Variants in ZC4H2 observed in about 807,000 individuals in gnomAD.
ZC4H2 encodes zinc finger C4H2-type containing.
For missense variants in ZC4H2, 137 were observed against 173.9 expected, an observed-to-expected ratio of 0.79 and a Z score of 1.19; for synonymous variants, 84 against 66.3, an observed-to-expected ratio of 1.27 and a Z score of -1.30.
chrX:64,942,488 C>T (rs1370205739), intron 1 of ZC4H2, among the ~76,000 whole-genome samples: 1 of 100,599 alleles, frequency 9.9e-6, no homozygotes, highest in East Asian at 3.1e-4. Flanking sequence ...CTTGCCCCCC[C>T]ACCCCCCAAC....
At chrX:64,958,657 G>T (rs1931259901) in intron 1 of ZC4H2, among the ~76,000 whole-genome samples, 1 of 110,779 alleles carries the variant, frequency 9.0e-6, no homozygotes, top group South Asian at 3.9e-4. Flanking sequence ...GTGGTGGTGG[G>T]GGGTGATTTA....
chrX:64,975,645 C>T (rs181706275), intron 1 of ZC4H2, among the ~76,000 whole-genome samples: 2 of 111,623 alleles, frequency 1.8e-5, no homozygotes, highest in East Asian at 5.6e-4. Flanking sequence ...GTAGCGGACT[C>T]CACTTCGGCA....
At chrX:65,007,713 A>G (rs1932690615) in intron 1 of ZC4H2, among the ~76,000 whole-genome samples, 1 of 111,571 alleles carries the variant, frequency 9.0e-6, no homozygotes, top group African/African-American at 3.3e-5. Context: ...AGAATCAATC[A>G]CTCTTCAATA....
chrX:64,921,563 G>A (rs763736758), intron 2 of ZC4H2, among the ~76,000 whole-genome samples: 36 of 111,557 alleles, frequency 3.2e-4, no homozygotes, highest in Non-Finnish European at 6.4e-4. Flanking sequence ...CATTTAGAGG[G>A]TACTGAGTCC....
intron 1 of ZC4H2, among the ~76,000 whole-genome samples, chrX:64,972,576 A>T (rs1931817519): frequency 8.9e-6 from 1 of 112,032 alleles, no homozygotes; most frequent in Non-Finnish European, 1.9e-5. Context: ...AGTTAATAAC[A>T]TTGAAATGTG....
chrX:64,965,837 C>G (rs918618476), intron 1 of ZC4H2, among the ~76,000 whole-genome samples: 2 of 106,706 alleles, frequency 1.9e-5, no homozygotes, highest in Admixed American at 1.0e-4. Context: ...ATTGGGGAAG[C>G]TGAAGTGGGA....
intron 1 of ZC4H2, among the ~76,000 whole-genome samples, chrX:64,953,206 A>T (rs1930957509): frequency 8.9e-6 from 1 of 112,239 alleles, no homozygotes; most frequent in Admixed American, 9.5e-5. Context: ...TAGACCTAAA[A>T]CCATAAAAAC....
intron 1 of ZC4H2, among the ~76,000 whole-genome samples, chrX:64,926,788 T>C (rs1381593466): frequency 9.0e-6 from 1 of 111,567 alleles, no homozygotes; most frequent in African/African-American, 3.3e-5. Flanking sequence ...TTCAACAAAA[T>C]ATGGATCAAA....
At chrX:64,996,181 T>TA (rs1335731610) in intron 1 of ZC4H2, among the ~76,000 whole-genome samples, 5 of 111,513 alleles carry the variant, frequency 4.5e-5, no homozygotes, top group African/African-American at 1.6e-4. Context: ...AAGACAGAAA[T>TA]AGGTGAATTT....
chrX:64,978,118 C>T (rs768503997), upstream of ZC4H2, among the ~76,000 whole-genome samples: 16 of 111,348 alleles, frequency 1.4e-4, no homozygotes, highest in South Asian at 5.8e-3. Context: ...CCTAGTGAGC[C>T]CACCTCAGAG....
chrX:64,920,340 C>G, intron 2 of ZC4H2, 87 bp from the exon 3 acceptor site: 1 of 1,008,097 alleles, frequency 9.9e-7, no homozygotes, highest in Non-Finnish European at 1.3e-6. Context: ...AGCACAAGCT[C>G]CAGAACTTGT....
At chrX:64,931,093 T>C (rs1454796646) in intron 1 of ZC4H2, among the ~76,000 whole-genome samples, 1 of 111,919 alleles carries the variant, frequency 8.9e-6, no homozygotes, top group Non-Finnish European at 1.9e-5. Context: ...CTAGGAGGCT[T>C]GTATATTTCC....
chrX:64,918,404 C>CAGGGAACAGATTAGATTTG (rs1929028073), intron 4 of ZC4H2: 1 of 114,649 alleles, frequency 8.7e-6, no homozygotes, highest in African/African-American at 3.3e-5. Context: ...TTAACGAAAA[C>CAGGGAACAGATTAGATTTG]AGGGAACAGA....
intron 1 of ZC4H2, among the ~76,000 whole-genome samples, chrX:64,999,946 G>A (rs1362513707): frequency 8.9e-6 from 1 of 112,090 alleles, no homozygotes; most frequent in Admixed American, 9.4e-5. Flanking sequence ...CCCAGTCAGG[G>A]GCTTATAGAT....
At chrX:64,986,562 G>A (rs1350677576) in intron 1 of ZC4H2, among the ~76,000 whole-genome samples, 2 of 111,896 alleles carry the variant, frequency 1.8e-5, no homozygotes, top group Middle Eastern at 9.2e-3. Flanking sequence ...CATCCCAAGA[G>A]GTAGGAGATG....
chrX:64,977,817 T>A (rs1209695449), upstream of ZC4H2, among the ~76,000 whole-genome samples: 5 of 112,198 alleles, frequency 4.5e-5, no homozygotes, highest in African/African-American at 1.6e-4. Context: ...AAACATTTTT[T>A]AAGTGCTTAT....
At chrX:64,938,099 G>A (rs766860331) in intron 1 of ZC4H2, among the ~76,000 whole-genome samples, 1 of 111,800 alleles carries the variant, frequency 8.9e-6, no homozygotes, top group South Asian at 3.7e-4. Flanking sequence ...ACGACATAGG[G>A]CATATCACTA....
At chrX:64,951,052 C>T (rs763311426) in intron 1 of ZC4H2, among the ~76,000 whole-genome samples, 17 of 110,677 alleles carry the variant, frequency 1.5e-4, no homozygotes, top group South Asian at 3.9e-4. Context: ...TGAGAACATG[C>T]GGTGTTTGGT....
At chrX:64,954,222 G>A (rs1349039448) in intron 1 of ZC4H2, among the ~76,000 whole-genome samples, 1 of 100,380 alleles carries the variant, frequency 1.0e-5, no homozygotes, top group African/African-American at 3.9e-5. Flanking sequence ...TAATGTAAAT[G>A]ACGAGTTAAT....
Sources: gnomAD v4.1 joint callset for allele counts (sites outside exome capture counted in the v4.1 genomes callset) on GRCh38, gnomAD v4.1.1 for gene constraint, MANE v1.5 for transcripts, NCBI Gene and HGNC (gene_info 2026-07-23, HGNC 2026-07-21) for gene names.